The following STPG2 variants were observed in gnomAD, a reference collection of about 807,000 sequenced individuals.
The protein encoded by STPG2 is sperm tail PG-rich repeat containing 2.
In STPG2, 56 loss-of-function variants were observed where a neutral mutation model predicts 54.2. That is an observed-to-expected ratio of 1.03 (90% confidence interval 0.83 to 1.29). The LOEUF (loss-of-function observed/expected upper bound fraction) is 1.29, where lower values mean the gene tolerates loss of function less well. STPG2 is among the 50% of genes most tolerant of loss of function. The pLI is 0.00. For synonymous variants in STPG2, 200 were observed against 181.8 expected (o/e 1.10, Z -0.81); for missense variants, 596 against 544.9 (o/e 1.09, Z -0.93).
At chr4:97,793,939 C>A (rs1727086617) in intron 9 of STPG2, among the ~76,000 whole-genome samples, 2 of 151,960 alleles carry the variant, frequency 1.3e-5, no homozygotes, top group Admixed American at 6.6e-5. Flanking sequence ...ACTAATAATT[C>A]ATATACTTTT....
At chr4:97,797,201 C>A (rs1347223625) in intron 9 of STPG2, among the ~76,000 whole-genome samples, 2 of 152,172 alleles carry the variant, frequency 1.3e-5, no homozygotes, top group African/African-American at 4.8e-5. Context: ...CCTGATTGCC[C>A]TGGCCAGAAC....
intron 7 of STPG2, among the ~76,000 whole-genome samples, chr4:97,944,641 AG>A (rs1398986121): frequency 6.6e-6 from 1 of 152,160 alleles, no homozygotes; most frequent in Non-Finnish European, 1.5e-5. Context: ...AAAAGGGGTA[AG>A]AATCTATTTT....
At chr4:97,647,083 C>T (rs994539652) in intron 10 of STPG2, among the ~76,000 whole-genome samples, 4 of 152,094 alleles carry the variant, frequency 2.6e-5, no homozygotes, top group African/African-American at 9.7e-5. Flanking sequence ...AATTTTCTAT[C>T]ACCCACTAAA....
At chr4:97,740,965 A>G (rs1725207797) in intron 9 of STPG2, among the ~76,000 whole-genome samples, 2 of 152,208 alleles carry the variant, frequency 1.3e-5, no homozygotes, top group South Asian at 4.1e-4. Context: ...TTCAAACTAT[A>G]CTACAAGACT....
intron 8 of STPG2, among the ~76,000 whole-genome samples, chr4:97,898,464 T>C (rs531771345): frequency 6.6e-6 from 1 of 151,894 alleles, no homozygotes; most frequent in African/African-American, 2.4e-5. Flanking sequence ...TTTCCAGTAA[T>C]TGAATATTTA....
intron 9 of STPG2, among the ~76,000 whole-genome samples, chr4:97,750,699 G>C (rs1428393090): frequency 6.6e-6 from 1 of 151,642 alleles, no homozygotes; most frequent in East Asian, 1.9e-4. Context: ...CAATATTTTA[G>C]GTGGTGATCC....
chr4:98,038,079 T>G (rs1383964867), intron 5 of STPG2, among the ~76,000 whole-genome samples: 7 of 152,106 alleles, frequency 4.6e-5, no homozygotes. Context: ...CTTGCTATGG[T>G]GCCCAGGCTA....
chr4:97,549,008 G>A (rs1408577103), intron 4 of STPG2, among the ~76,000 whole-genome samples: 1 of 23,504 alleles, frequency 4.3e-5, no homozygotes, highest in Non-Finnish European at 7.1e-5. Flanking sequence ...CCACAATAAT[G>A]TTGAATGAGA....
intron 8 of STPG2, among the ~76,000 whole-genome samples, chr4:97,848,624 A>T (rs540107521): frequency 6.6e-6 from 1 of 152,326 alleles, no homozygotes; most frequent in South Asian, 2.1e-4. Context: ...TATTTCAAAA[A>T]TAAAGAAGAT....
In STPG2 at chr4:98,068,728, A is replaced by G. The variant is rs534634114; in HGVS notation, c.612+37225T>C. ...GAGAAATGTGTCGTGAGGTGATTTC[A>G]TCATTGTGCAAACATCATAGAGTGT... is the stretch of plus-strand genomic sequence containing the variant. On this transcript the variant is annotated intron_variant, in intron 5 of 10. Coordinates refer to ENST00000295268, the MANE Select transcript of STPG2 (RefSeq NM_174952.3). Among the ~76,000 whole-genome samples, 64 of 152,172 alleles carry G rather than the reference A, an allele frequency of 4.2e-4. No individual in the cohort carries two copies. In the South Asian group the frequency reaches 0.013, roughly 31 times the overall value.
intron 9 of STPG2, among the ~76,000 whole-genome samples, chr4:97,755,795 T>C (rs993254906): frequency 5.3e-5 from 8 of 152,350 alleles, no homozygotes; most frequent in African/African-American, 1.9e-4. Flanking sequence ...GCAAAATTCA[T>C]GTTATTTTAT....
intron 4 of STPG2, among the ~76,000 whole-genome samples, chr4:97,513,567 C>T (rs951932070): frequency 1.3e-5 from 2 of 151,994 alleles, no homozygotes; most frequent in Admixed American, 1.3e-4. Context: ...TCCAGAGATC[C>T]CAAGGGTTCT....
intron 8 of STPG2, among the ~76,000 whole-genome samples, chr4:97,846,243 C>T (rs1447106730): frequency 1.3e-5 from 2 of 151,860 alleles, no homozygotes; most frequent in Admixed American, 1.3e-4. Flanking sequence ...TATTTTGAAT[C>T]TAAATGAGAT....
chr4:97,473,586 C>T (rs968917957), intron 4 of STPG2, among the ~76,000 whole-genome samples: 3 of 152,078 alleles, frequency 2.0e-5, no homozygotes, highest in African/African-American at 7.2e-5. Flanking sequence ...TTAATTTTGC[C>T]CCGGTCCTGT....
At chr4:98,067,885 A>G (rs1737881985) in intron 5 of STPG2, among the ~76,000 whole-genome samples, 1 of 152,084 alleles carries the variant, frequency 6.6e-6, no homozygotes, top group African/African-American at 2.4e-5. Context: ...GTAGTAAGAT[A>G]TTTTTCTATC....
rs1315212706 is a variant in STPG2, at chr4:97,770,125, C to G, written c.1205-57311G>C. Among the ~76,000 whole-genome samples the G allele has an allele frequency of 1.3e-4, 20 of 152,040 alleles. 1 individual carries two copies. Among genetic ancestry groups the G allele is most frequent in the Non-Finnish European group, 2.9e-4 (20 of 68,018 alleles). Reference sequence around the variant, plus strand: ...ACTCAGGAGGCTGAGGCAGGAAAGTCGCTTGAACCTGGGAGGCAGAGGTTG... The same window carrying G: ...ACTCAGGAGGCTGAGGCAGGAAAGTGGCTTGAACCTGGGAGGCAGAGGTTG... On this transcript the variant is annotated intron_variant, in intron 9 of 10. Coordinates refer to ENST00000295268, the MANE Select transcript of STPG2 (RefSeq NM_174952.3).
chr4:97,917,416 A>T (rs1427297129), intron 8 of STPG2: 1 of 152,204 alleles, frequency 6.6e-6, no homozygotes, highest in African/African-American at 2.4e-5. Flanking sequence ...AGGCCAAGCG[A>T]GGGGCAAGCA....
intron 10 of STPG2, among the ~76,000 whole-genome samples, chr4:97,681,938 A>G (rs1394400905): frequency 2.6e-5 from 4 of 151,796 alleles, no homozygotes; most frequent in Non-Finnish European, 5.9e-5. Flanking sequence ...GAATCAAGCA[A>G]TCATTGAGGA....
intron 8 of STPG2, among the ~76,000 whole-genome samples, chr4:97,925,256 G>A (rs1732289108): frequency 1.3e-5 from 2 of 152,126 alleles, no homozygotes; most frequent in South Asian, 4.1e-4. Flanking sequence ...GTTTATCACA[G>A]TGCATCATGT....
Sources: allele counts gnomAD v4.1 joint callset (sites outside exome capture counted in the v4.1 genomes callset), GRCh38; gene constraint gnomAD v4.1.1; transcripts MANE v1.5; gene names NCBI Gene and HGNC (gene_info 2026-07-23, HGNC 2026-07-21).